ESRRB: variants seen among roughly 807,000 people sequenced by gnomAD.
The protein encoded by ESRRB is steroid hormone receptor ERR2.
ESRRB carries 16 observed loss-of-function variants against 46.0 expected under a neutral mutation model. That is an observed-to-expected ratio of 0.35 (90% CI 0.24 to 0.53). ESRRB has a LOEUF of 0.53. Ranked by LOEUF, ESRRB falls within the 20% of genes least tolerant of loss-of-function variation. The pLI is 0.93. For synonymous variants in ESRRB, 246 were observed against 259.6 expected (o/e 0.95, Z 0.50); for missense variants, 488 against 607.4 (o/e 0.80, Z 2.07).
chr14:76,380,548 T>C (rs1398801896), intron 1 of ESRRB, among the ~76,000 whole-genome samples: 1 of 152,242 alleles, frequency 6.6e-6, no homozygotes, highest in Non-Finnish European at 1.5e-5. Flanking sequence ...ACACCACACC[T>C]TGACTGCCTC....
chr14:76,422,902 G>A (rs911158877), intron 1 of ESRRB, among the ~76,000 whole-genome samples: 2 of 152,132 alleles, frequency 1.3e-5, no homozygotes, highest in African/African-American at 4.8e-5. Context: ...TTTACACAGT[G>A]GGGTTCTGGC....
rs1382179957 is a variant in ESRRB at position 76,482,661 on chromosome 14, C to G, written c.752C>G (p.Pro251Arg). ...EPDKLYAMPP[P>R]GMPEGDIKAL... is the part of the protein sequence containing the mutation. ...GACAAGCTCTATGCCATGCCTCCCC[C>G]TGGTATGCCTGAGGGGGACATCAAG... The change falls in exon 5 of 7, where the codon CCT becomes CGT. Residue 251 changes from proline (P) to arginine (R), a missense_variant. Physicochemically the swap from Pro to Arg is moderately radical, Grantham distance 103 (BLOSUM62 -2). Transcript: ENST00000644823. This position sits in a 1 kb window ranked among gnomAD's most constrained non-coding sequence, Gnocchi z 4.3. 11 of 1,614,196 alleles carry G rather than the reference C, an allele frequency of 6.8e-6. No individual in the cohort carries two copies. Among genetic ancestry groups the G allele is most frequent in the Non-Finnish European group, 9.3e-6 (11 of 1,180,034 alleles).
chr14:76,372,857 C>T (rs1884657179), upstream of ESRRB, among the ~76,000 whole-genome samples: 2 of 152,086 alleles, frequency 1.3e-5, no homozygotes, highest in African/African-American at 4.8e-5. Context: ...AAAAGAAAAA[C>T]TTGTCTTTTA....
chr14:76,496,074 T>C (rs989431632), intron 6 of ESRRB, among the ~76,000 whole-genome samples: 1 of 152,172 alleles, frequency 6.6e-6, no homozygotes, highest in Non-Finnish European at 1.5e-5. Context: ...ATCTGTGAAA[T>C]AGGGAGAACA....
rs142662377 is a variant in ESRRB, at chr14:76,381,818, G to A, written c.50+5367G>A. ...GGAGCCTGGTCATAGGAGAGCACAGGCTCAATTTGTTTCTGAGAACAGAGA... is the reference window on the plus strand; with the variant it reads ...GGAGCCTGGTCATAGGAGAGCACAGACTCAATTTGTTTCTGAGAACAGAGA... On this transcript the variant is annotated intron_variant, in intron 1 of 6. Transcript: ENST00000644823. 2.4e-4 allele frequency among the ~76,000 whole-genome samples: 37 copies of A among 152,228 alleles called. No individual in the cohort carries two copies. In the East Asian group the frequency reaches 7.1e-3, roughly 29 times the overall value.
chr14:76,324,235 T>C (rs1025751584), intron 1 of ESRRB, among the ~76,000 whole-genome samples: 3 of 152,178 alleles, frequency 2.0e-5, no homozygotes, highest in Non-Finnish European at 4.4e-5. Flanking sequence ...TGCAGAGTTG[T>C]CCCACCTTGA....
At chr14:76,459,689 A>G (rs563469028) in intron 2 of ESRRB, among the ~76,000 whole-genome samples, 1 of 152,264 alleles carries the variant, frequency 6.6e-6, no homozygotes, top group East Asian at 1.9e-4. Flanking sequence ...GGCTTACATG[A>G]ATATTGAAAT....
intron 2 of ESRRB, among the ~76,000 whole-genome samples, chr14:76,446,419 C>T (rs1253223940): frequency 6.6e-6 from 1 of 150,762 alleles, no homozygotes; most frequent in African/African-American, 2.4e-5. Flanking sequence ...GCTGTGATGA[C>T]ACTCACTGAG....
rs370818860 is a variant in ESRRB at position 76,422,399 on chromosome 14, G to C, written c.51-16942G>C. Among the ~76,000 whole-genome samples, 61 of 151,798 alleles carry C rather than the reference G, an allele frequency of 4.0e-4. No individual in the cohort carries two copies. In the East Asian group the frequency reaches 6.2e-3, roughly 15 times the overall value. On this transcript the variant is annotated intron_variant, in intron 1 of 6. Coordinates refer to ENST00000644823, the MANE Select transcript of ESRRB (RefSeq NM_001379180.1). ...CTAATTTTTTTTGTATTTTAGTAGA[G>C]ACAAGGTTTCACCATGTTGGCCAGG...
intron 1 of ESRRB, among the ~76,000 whole-genome samples, chr14:76,314,780 G>A (rs552113463): frequency 5.9e-5 from 9 of 152,086 alleles, no homozygotes; most frequent in East Asian, 1.9e-4. Flanking sequence ...TCTAAGTCCC[G>A]GCAAGCATTC....
intron 1 of ESRRB, among the ~76,000 whole-genome samples, chr14:76,328,443 CCA>C (rs1252772320): frequency 2.0e-5 from 3 of 152,184 alleles, no homozygotes. Flanking sequence ...TGCCCCCAAT[CCA>C]CACACAAGTG....
At chr14:76,349,777 C>T (rs1268904004) in intron 1 of ESRRB, among the ~76,000 whole-genome samples, 7 of 151,968 alleles carry the variant, frequency 4.6e-5, no homozygotes, top group Admixed American at 3.9e-4. Context: ...ACTCTGAGTG[C>T]GTGCTCATTA....
In ESRRB at chr14:76,484,929, G is replaced by A. The variant is rs1322684750; in HGVS notation, c.850+2170G>A. 7.2e-5 allele frequency among the ~76,000 whole-genome samples: 11 copies of A among 152,316 alleles called. 1 individual carries two copies. In the South Asian group the frequency reaches 2.3e-3, roughly 32 times the overall value. On this transcript the variant is annotated intron_variant, in intron 5 of 6. Transcript: ENST00000644823. ...TGTGAGGATGTAGCGCGCTTAGTGT[G>A]TACACCGGGTGAATGGCAGAGACGC...
intron 2 of ESRRB, among the ~76,000 whole-genome samples, chr14:76,458,425 G>GACACAC (rs58562150): frequency 0.011 from 1,500 of 134,886 alleles, 13 homozygotes; most frequent in Middle Eastern, 0.034. Context: ...CTCTCTCTCT[G>GACACAC]ACACACACAC....
intron 2 of ESRRB, among the ~76,000 whole-genome samples, chr14:76,453,597 C>CTT (rs796736002): frequency 0.043 from 5,711 of 134,220 alleles, 512 homozygotes; most frequent in African/African-American, 0.15. Context: ...AAAAAAAGCT[C>CTT]TTTTTTTTTT....
Position 76,358,339 on chromosome 14 carries a change from G to T in ESRRB, c.2+47423G>T, listed in dbSNP as rs796520465. Among the ~76,000 whole-genome samples, 22 of 16,498 alleles carry T rather than the reference G, an allele frequency of 1.3e-3. 3 individuals carry two copies. Among genetic ancestry groups the T allele is most frequent in the Non-Finnish European group, 1.8e-3 (17 of 9,596 alleles). 10.8% of individuals were successfully genotyped at this position (16,498 alleles called of 152,430 possible). A position where few individuals can be genotyped will look rare whatever the true frequency, so the allele number is the denominator to read the frequency against. On this transcript the variant is annotated intron_variant, in intron 1 of 6. Coordinates refer to the ESRRB transcript ENST00000512784. Reference sequence around the variant, plus strand: ...AAAAAAAAAAAAAGAAAGAAAGAAAGAAAGAAAGAAAGAAAGAAAGAAAGA... The same window carrying T: ...AAAAAAAAAAAAAGAAAGAAAGAAATAAAGAAAGAAAGAAAGAAAGAAAGA...
intron 2 of ESRRB, among the ~76,000 whole-genome samples, chr14:76,452,626 A>ACAAAAC (rs1555399041): frequency 8.0e-6 from 1 of 124,278 alleles, no homozygotes; most frequent in Non-Finnish European, 1.6e-5. Context: ...TCTCCAAAAA[A>ACAAAAC]AAAAACAAAA....
At chr14:76,346,846 G>A (rs147885969) in intron 1 of ESRRB, among the ~76,000 whole-genome samples, 15 of 152,332 alleles carry the variant, frequency 9.8e-5, no homozygotes, top group Middle Eastern at 3.4e-3. Flanking sequence ...TTGCCACGCC[G>A]TAGTCTGTGG....
At chr14:76,495,687 TA>T (rs1476956099) in intron 6 of ESRRB, 11 of 152,094 alleles carry the variant, frequency 7.2e-5, no homozygotes, top group Admixed American at 3.9e-4. Context: ...GACCCATTTT[TA>T]AATGTTTCAA....
Sources: gnomAD v4.1 joint callset for allele counts (sites outside exome capture counted in the v4.1 genomes callset) on GRCh38, gnomAD v4.1.1 for gene constraint, Gnocchi (gnomAD v3.1) non-coding constraint, MANE v1.5 for transcripts, NCBI Gene and HGNC (gene_info 2026-07-23, HGNC 2026-07-21) for gene names.